The following KRT19 variants were observed in gnomAD, a reference collection of about 807,000 sequenced individuals.
KRT19 encodes the protein keratin, type I cytoskeletal 19.
A neutral mutation model predicts 34.6 loss-of-function variants in KRT19; 21 were observed. That is an observed-to-expected ratio of 0.61 (90% CI 0.43 to 0.87). KRT19 has a LOEUF of 0.87. Ranked by LOEUF, KRT19 falls within the 40% of genes least tolerant of loss-of-function variation. The probability of loss-of-function intolerance (pLI) is 0.00; values close to 1 mark genes in which losing one functional copy is unlikely to be tolerated. For synonymous variants in KRT19, 240 were observed against 245.8 expected, an observed-to-expected ratio of 0.98 and a Z score of 0.22; for missense variants, 514 against 545.7, an observed-to-expected ratio of 0.94 and a Z score of 0.58.
At chr17:41,527,150 G>A (rs1189664772) in intron 1 of KRT19, among the ~76,000 whole-genome samples, 1 of 58,682 alleles carries the variant, frequency 1.7e-5, no homozygotes, top group African/African-American at 4.2e-5. Context: ...GTAAGAGCGT[G>A]TGACGCAGAT....
chr17:41,523,645 G>A lies in KRT19; in HGVS notation c.*98C>T, dbSNP rs1227894162. The A allele has an allele frequency of 1.4e-5, 17 of 1,222,628 alleles. No individual in the cohort carries two copies. In the East Asian group the frequency reaches 3.6e-4, roughly 26 times the overall value. The allele number at this position is 1,222,628 out of a possible 1,614,324, so 75.7% of individuals were successfully genotyped here. A position where few individuals can be genotyped will look rare whatever the true frequency, so the allele number is the denominator to read the frequency against. On this transcript the variant is annotated 3_prime_UTR_variant, in exon 6 of 6. Transcript: ENST00000361566. ...CTTGGACCATAAATTTTTATTGGCA[G>A]GTCAGGAGAAGAGCCGGGGGTAAGG... is the stretch of plus-strand genomic sequence containing the variant.
chr17:41,526,893 A>C lies in KRT19; in HGVS notation c.420+935T>G, dbSNP rs566906404. Among the ~76,000 whole-genome samples the C allele has an allele frequency of 2.6e-5, 4 of 152,210 alleles. No homozygotes were observed. The East Asian group carries it at 7.7e-4, about 29-fold the overall frequency. On this transcript the variant is annotated intron_variant, in intron 1 of 5. Coordinates refer to ENST00000361566, the MANE Select transcript of KRT19 (RefSeq NM_002276.5). ...CAGCCCCTGTAGGTCACAATTTTACAAGTGTGTAAAGCACTGTTTTTGTTG... is the reference window on the plus strand; with the variant it reads ...CAGCCCCTGTAGGTCACAATTTTACCAGTGTGTAAAGCACTGTTTTTGTTG...
chr17:41,525,286 G>A lies in KRT19; in HGVS notation c.421-13C>T, dbSNP rs756252051. On this transcript the variant is annotated splice_polypyrimidine_tract_variant and intron_variant, in intron 1 of 5. Coordinates refer to ENST00000361566, the MANE Select transcript of KRT19 (RefSeq NM_002276.5). ...TGGCACCAAGAATCTGGAAGGCAGA[G>A]GCAGAGGTTGGTACCAGTTCAACAC... is the stretch of plus-strand genomic sequence containing the variant. 1.2e-5 allele frequency: 19 copies of A among 1,600,204 alleles called. No individual in the cohort carries two copies. The Admixed American group carries it at 3.2e-4, about 27-fold the overall frequency.
At position 41,523,923 on chromosome 17, in the gene KRT19, C is replaced by T. The variant is rs769342288; in HGVS notation, c.1023G>A (p.Leu341=). The change falls in exon 6 of 6, where the codon CTG becomes CTA. Residue 341 remains leucine (L), a synonymous_variant. Transcript: ENST00000361566. ...CCAGCTGGGCTTCAATACCGCTGATCAGCGCCTGGATATGCGCCAGCTGGG... is the reference window on the plus strand; with the variant it reads ...CCAGCTGGGCTTCAATACCGCTGATTAGCGCCTGGATATGCGCCAGCTGGG... ...FGAQLAHIQA[L]ISGIEAQLGD... 36 of 1,614,088 alleles carry T rather than the reference C, an allele frequency of 2.2e-5. No individual in the cohort carries two copies. The Admixed American group carries it at 6.0e-4, about 27-fold the overall frequency.
intron 3 of KRT19, 109 bp from the exon 4 acceptor site, chr17:41,524,649 G>T (rs760571821): frequency 2.3e-6 from 3 of 1,323,368 alleles, no homozygotes; most frequent in Non-Finnish European, 3.2e-6. Context: ...TCAGGTGCAG[G>T]CCTAGTAACT....
rs267607655 is a variant in KRT19 at position 41,524,951 on chromosome 17, G to A, written c.552C>T (p.Asn184=). ...ALRMSVEADI[N]GLRRVLDELT... Reference sequence around the variant, plus strand: ...GCTCATCCAGCACCCTGCGCAGGCCGTTGATGTCGGCCTCCACGCTCATGC... The same window carrying A: ...GCTCATCCAGCACCCTGCGCAGGCCATTGATGTCGGCCTCCACGCTCATGC... The change falls in exon 3 of 6, where the codon AAC becomes AAT. Residue 184 remains asparagine (N), a synonymous_variant. Transcript: ENST00000361566. 155 of 1,614,222 alleles carry A rather than the reference G, an allele frequency of 9.6e-5. No individual in the cohort carries two copies. The highest frequency in any genetic ancestry group is 5.3e-4 in the East Asian group (24 of 44,884).
At chr17:41,524,671 A>C in intron 3 of KRT19, 131 bp from the exon 4 acceptor site, 1 of 1,242,828 alleles carries the variant, frequency 8.0e-7, no homozygotes, top group Non-Finnish European at 1.2e-6. Flanking sequence ...GCACTGGGGG[A>C]CAGACTGGGT....
chr17:41,524,128 T>TGGG lies in KRT19; in HGVS notation c.948+12_948+14dup, dbSNP rs138382069. 111 of 1,611,248 alleles carry TGGG rather than the reference T, an allele frequency of 6.9e-5. No individual in the cohort carries two copies. The highest frequency in any genetic ancestry group is 8.7e-5 in the Non-Finnish European group (103 of 1,178,612). On this transcript the variant is annotated intron_variant, in intron 5 of 5. Transcript: ENST00000361566. Reference sequence around the variant, plus strand: ...GAATTGCACAGGGAAGCGGCGGCGGTGGGGGGACACATACCATGCTCAGCT... The same window carrying TGGG: ...GAATTGCACAGGGAAGCGGCGGCGGTGGGGGGGGGACACATACCATGCTCAGCT...
In KRT19 at chr17:41,528,276, C is replaced by G. The variant is rs951994860; in HGVS notation, c.-29G>C. 2.0e-6 allele frequency: 3 copies of G among 1,504,366 alleles called. No individual in the cohort carries two copies. Among genetic ancestry groups the G allele is most frequent in the Middle Eastern group, 5.0e-4 (2 of 4,024 alleles). The allele number at this position is 1,504,366 out of a possible 1,614,324, so 93.2% of individuals were successfully genotyped here. A position where few individuals can be genotyped will look rare whatever the true frequency, so the allele number is the denominator to read the frequency against. Reference sequence around the variant, plus strand: ...GAGGCGGAGCACGGACGGAGCAACCCTGGTCTCAGAAGCTGCGATTCGCGG... The same window carrying G: ...GAGGCGGAGCACGGACGGAGCAACCGTGGTCTCAGAAGCTGCGATTCGCGG... On this transcript the variant is annotated 5_prime_UTR_variant, in exon 1 of 6. Coordinates refer to ENST00000361566, the MANE Select transcript of KRT19 (RefSeq NM_002276.5).
rs2144535115 is a variant in KRT19 at position 41,525,238 on chromosome 17, G to A, written c.456C>T (p.Val152=). The A allele has an allele frequency of 5.6e-6, 9 of 1,613,946 alleles. No homozygotes were observed. Among genetic ancestry groups the A allele is most frequent in the Non-Finnish European group, 7.6e-6 (9 of 1,179,868 alleles). The change falls in exon 2 of 6, where the codon GTC becomes GTT. Residue 152 remains valine, a synonymous_variant. Coordinates refer to ENST00000361566, the MANE Select transcript of KRT19 (RefSeq NM_002276.5). The part of the protein sequence containing the change: ...LGATIENSRI[V]LQIDNARLAA... ...CCAGACGGGCATTGTCGATCTGCAG[G>A]ACAATCCTGGAGTTCTCAATGGTGG...
chr17:41,525,300 C>G, intron 1 of KRT19, 27 bp from the exon 2 acceptor site: 1 of 1,526,972 alleles, frequency 6.5e-7, no homozygotes, highest in Non-Finnish European at 9.1e-7. Context: ...GAGGTTGGTA[C>G]CAGTTCAACA....
At position 41,524,394 on chromosome 17, in the gene KRT19, G is replaced by A. The variant is rs1905784497; in HGVS notation, c.807C>T (p.Ala269=). The part of the protein sequence containing the change: ...MAEQNRKDAE[A]WFTSRTEELN... Reference sequence around the variant, plus strand: ...CTCTACCTACCCGGCTGGTGAACCAGGCTTCAGCATCCTTCCGGTTCTGCT... The same window carrying A: ...CTCTACCTACCCGGCTGGTGAACCAAGCTTCAGCATCCTTCCGGTTCTGCT... Residue 269 remains alanine, a synonymous_variant, in exon 4 of 6, where the codon GCC becomes GCT. Transcript: ENST00000361566. The A allele has an allele frequency of 1.2e-6, 2 of 1,614,190 alleles. No individual in the cohort carries two copies. Among genetic ancestry groups the A allele is most frequent in the Non-Finnish European group, 1.7e-6 (2 of 1,180,024 alleles).
chr17:41,525,499 G>C lies in KRT19; in HGVS notation c.421-226C>G, dbSNP rs374245628. 80 of 554,626 alleles carry C rather than the reference G, an allele frequency of 1.4e-4. No individual in the cohort carries two copies. The East Asian group carries it at 1.9e-3, about 13-fold the overall frequency. 34.4% of individuals were successfully genotyped at this position (554,626 alleles called of 1,614,324 possible). On this transcript the variant is annotated intron_variant, in intron 1 of 5. Transcript: ENST00000361566. ...AAACTGGAGCCAGGGGGACTTGGGTGGGGGAGGGCAGGAAGGCAAGCCTGG... is the reference window on the plus strand; with the variant it reads ...AAACTGGAGCCAGGGGGACTTGGGTCGGGGAGGGCAGGAAGGCAAGCCTGG...
In KRT19 at chr17:41,524,523, C is replaced by T. The variant is rs766065908; in HGVS notation, c.678G>A (p.Arg226=). Residue 226 remains arginine, a synonymous_variant, in exon 4 of 6, where the codon AGG becomes AGA. Coordinates refer to ENST00000361566, the MANE Select transcript of KRT19 (RefSeq NM_002276.5). ...KNHEEEISTL[R]GQVGGQVSVE... ...CACTGACCTGGCCTCCCACTTGGCC[C>T]CTCAGCGTACTGATTTCCTGTAAAG... 1.2e-6 allele frequency: 2 copies of T among 1,614,112 alleles called. No homozygotes were observed. The highest frequency in any genetic ancestry group is 1.7e-6 in the Non-Finnish European group (2 of 1,179,982).
chr17:41,525,880 TTC>T (rs1905844605), intron 1 of KRT19, among the ~76,000 whole-genome samples: 1 of 152,172 alleles, frequency 6.6e-6, no homozygotes, highest in African/African-American at 2.4e-5. Flanking sequence ...GGTAATTGTG[TTC>T]TGTTTTTCAA....
chr17:41,525,526 G>T, intron 1 of KRT19: 1 of 517,870 alleles, frequency 1.9e-6, no homozygotes, highest in Non-Finnish European at 3.5e-6. Context: ...CAAGCCTGGG[G>T]AGGAAATCTC....
intron 2 of KRT19, 85 bp from the exon 3 acceptor site, chr17:41,525,084 T>C (rs913016586): frequency 3.2e-6 from 5 of 1,581,090 alleles, no homozygotes; most frequent in South Asian, 1.1e-5. Context: ...CAGGAGTCCA[T>C]AGGGGGGTTA....
At chr17:41,527,186 C>T (rs1223479415) in intron 1 of KRT19, among the ~76,000 whole-genome samples, 1 of 77,796 alleles carries the variant, frequency 1.3e-5, no homozygotes. Context: ...CAAGGAGCTG[C>T]CACTGTACTG....
intron 1 of KRT19, among the ~76,000 whole-genome samples, chr17:41,526,319 G>C (rs1371592180): frequency 6.6e-6 from 1 of 152,162 alleles, no homozygotes; most frequent in Non-Finnish European, 1.5e-5. Context: ...CAAAATATCA[G>C]AGGGGATTTC....
Sources: allele counts gnomAD v4.1 joint callset (sites outside exome capture counted in the v4.1 genomes callset), GRCh38; gene constraint gnomAD v4.1.1; transcripts MANE v1.5; gene names NCBI Gene and HGNC (gene_info 2026-07-23, HGNC 2026-07-21).